The following POLM variants were observed in gnomAD, a reference collection of about 807,000 sequenced individuals.
POLM encodes DNA polymerase mu, also known as DNA-directed DNA/RNA polymerase mu.
POLM carries 52 observed loss-of-function variants against 56.7 expected under a neutral mutation model. The observed-to-expected ratio is 0.92, with a 90% CI of 0.73 to 1.15. The LOEUF (loss-of-function observed/expected upper bound fraction) is 1.15, where lower values mean the gene tolerates loss of function less well. Among genes scored for constraint, POLM ranks in the 50% most tolerant of loss-of-function variants. The pLI, the probability that POLM is intolerant of heterozygous loss-of-function variation, is 0.00. For synonymous variants in POLM, 273 were observed against 274.3 expected (o/e 1.00, Z 0.05); for missense variants, 660 against 663.6 (o/e 0.99, Z 0.06).
At chr7:44,079,165 T>A (rs2096192192) in intron 4 of POLM, among the ~76,000 whole-genome samples, 1 of 152,164 alleles carries the variant, frequency 6.6e-6, no homozygotes, top group African/African-American at 2.4e-5. Context: ...CAATACTACT[T>A]CATTTAAAAG....
Position 44,072,843 on chromosome 7 carries a change from A to C in POLM, c.*448T>G, listed in dbSNP as rs2128799045. 1 of 399,866 alleles carries C rather than the reference A, an allele frequency of 2.5e-6. No individual in the cohort carries two copies. Among genetic ancestry groups the C allele is most frequent in the East Asian group, 3.6e-5 (1 of 27,890 alleles). The allele number at this position is 399,866 out of a possible 1,614,324, so 24.8% of individuals were successfully genotyped here. The stretch of plus-strand genomic sequence containing the variant: ...ACAGCCTCCAGCTCATGGCTCTCAA[A>C]TGCAGTGCAGGTATGCATGGTTCTC... On this transcript the variant is annotated 3_prime_UTR_variant, in exon 11 of 11. Transcript: ENST00000242248.
At position 44,079,864 on chromosome 7, in the gene POLM, G is replaced by A; in HGVS notation, c.468C>T (p.Leu156=). Reference sequence around the variant, plus strand: ...AAGGCTCATAGAAGCGGCTTACGGAGAGGCCAGTGTTGTGGTGTGTGAGGG... The same window carrying A: ...AAGGCTCATAGAAGCGGCTTACGGAAAGGCCAGTGTTGTGGTGTGTGAGGG... ...PTPLTHHNTG[L]SEALEILAEA... is the part of the protein sequence containing the mutation. Residue 156 remains leucine, a synonymous_variant, in exon 3 of 11, where the codon CTC becomes CTT. Transcript: ENST00000242248. 6.2e-7 allele frequency: 1 copy of A among 1,614,090 alleles called. No homozygotes were observed. Among genetic ancestry groups the A allele is most frequent in the South Asian group, 1.1e-5 (1 of 91,074 alleles).
intron 2 of POLM, 44 bp downstream of exon 2, chr7:44,080,689 G>C (rs1159705563): frequency 6.3e-7 from 1 of 1,584,712 alleles, no homozygotes; most frequent in Non-Finnish European, 8.7e-7. Context: ...GCCTACACTG[G>C]GGCTTTCACT....
At position 44,079,938 on chromosome 7, in the gene POLM, G is replaced by A. The variant is rs2096195023; in HGVS notation, c.394C>T (p.Pro132Ser). 1 of 1,613,410 alleles carries A rather than the reference G, an allele frequency of 6.2e-7. No individual in the cohort carries two copies. Among genetic ancestry groups the A allele is most frequent in the African/African-American group, 1.3e-5 (1 of 74,910 alleles). The change falls in exon 3 of 11, where the codon CCT becomes TCT. Residue 132 changes from proline (P) to serine (S), a missense_variant. Pro to Ser is a moderately conservative substitution (Grantham distance 74, BLOSUM62 -1). Transcript: ENST00000242248. ...RLEVAGPRKG[P>S]LSPAWMPAYA... ...GCAGGCATCCATGCTGGGCTCAGAGGCCCCTTCCTTGGCCCAGCCACCTGG... is the reference window on the plus strand; with the variant it reads ...GCAGGCATCCATGCTGGGCTCAGAGACCCCTTCCTTGGCCCAGCCACCTGG...
At position 44,072,931 on chromosome 7, in the gene POLM, G is replaced by A; in HGVS notation, c.*360C>T. 1.8e-6 allele frequency: 1 copy of A among 541,288 alleles called. No homozygotes were observed. Among genetic ancestry groups the A allele is most frequent in the Non-Finnish European group, 3.2e-6 (1 of 315,974 alleles). The allele number at this position is 541,288 out of a possible 1,614,324, so 33.5% of individuals were successfully genotyped here. On this transcript the variant is annotated 3_prime_UTR_variant, in exon 11 of 11. Transcript: ENST00000242248. ...CAGTTAACTGCAGTGCAACTAATGA[G>A]ACACTGCACATCAGGGACCACTTGC...
At chr7:44,081,817 C>A (rs949654130) in intron 1 of POLM, among the ~76,000 whole-genome samples, 8 of 149,592 alleles carry the variant, frequency 5.3e-5, no homozygotes, top group Non-Finnish European at 1.0e-4. Flanking sequence ...GCGATCTCGG[C>A]TCACTGCAAG....
In POLM at chr7:44,073,971, G is replaced by A; in HGVS notation, c.1126C>T (p.Leu376=). 1 of 1,614,218 alleles carries A rather than the reference G, an allele frequency of 6.2e-7. No individual in the cohort carries two copies. Among genetic ancestry groups the A allele is most frequent in the Non-Finnish European group, 8.5e-7 (1 of 1,180,022 alleles). Residue 376 remains leucine, a synonymous_variant, in exon 9 of 11, where the codon CTG becomes TTG. Coordinates refer to ENST00000242248, the MANE Select transcript of POLM (RefSeq NM_013284.4). ...QHSCCESPTR[L]AQQSHMDAFE... ...GCGTCCATGTGGCTCTGTTGGGCCA[G>A]GCGGGTAGGGGACTCACAGCAGCTG... is the stretch of plus-strand genomic sequence containing the variant.
In POLM at chr7:44,079,875, TGTG is replaced by T; in HGVS notation, c.454_456del (p.His152del). ...AAGCGGCTTACGGAGAGGCCAGTGTTGTGGTGTGTGAGGGGCGTAGGGCGCTGG... is the reference window on the plus strand; with the variant it reads ...AAGCGGCTTACGGAGAGGCCAGTGTTGTGTGTGAGGGGCGTAGGGCGCTGG... On this transcript the variant is annotated inframe_deletion, in exon 3 of 11. Coordinates refer to ENST00000242248, the MANE Select transcript of POLM (RefSeq NM_013284.4). 1 of 1,614,042 alleles carries T rather than the reference TGTG, an allele frequency of 6.2e-7. No homozygotes were observed. The highest frequency in any genetic ancestry group is 8.5e-7 in the Non-Finnish European group (1 of 1,179,936).
At chr7:44,077,771 G>A (rs2096187725) in intron 5 of POLM, among the ~76,000 whole-genome samples, 1 of 151,950 alleles carries the variant, frequency 6.6e-6, no homozygotes, top group African/African-American at 2.4e-5. Flanking sequence ...TCTCCTCTTC[G>A]AAGCCCTCCC....
In POLM at chr7:44,073,890, C is replaced by G; in HGVS notation, c.1207G>C (p.Gly403Arg). Residue 403 changes from glycine (G) to arginine (R), a missense_variant, in exon 9 of 11, where the codon GGG (glycine) becomes CGG (arginine). Physicochemically the swap from Gly to Arg is moderately radical, Grantham distance 125. Coordinates refer to ENST00000242248, the MANE Select transcript of POLM (RefSeq NM_013284.4). ...GATGGGCAGGGCCTCGTGGATCCCC[C>G]CACAGCAGCCCCTGGAGGTTGTGGT... is the stretch of plus-strand genomic sequence containing the variant. Reference protein sequence around the residue: ...RLPQPPGAAVGGSTRPCPSWK... With the variant: ...RLPQPPGAAVRGSTRPCPSWK... 6.2e-7 allele frequency: 1 copy of G among 1,614,240 alleles called. No homozygotes were observed. Among genetic ancestry groups the G allele is most frequent in the Non-Finnish European group, 8.5e-7 (1 of 1,180,042 alleles).
At chr7:44,079,540 C>CCCAAA in intron 4 of POLM, 31 bp downstream of exon 4, 5 of 1,504,292 alleles carry the variant, frequency 3.3e-6, no homozygotes, top group Non-Finnish European at 3.7e-6. Flanking sequence ...CCCACCCACC[C>CCCAAA]ACTCACCCTG....
chr7:44,073,687 G>T lies in POLM; in HGVS notation c.1336C>A (p.Arg446Ser), dbSNP rs550516150. The T allele has an allele frequency of 3.8e-5, 62 of 1,614,174 alleles. 1 individual carries two copies. In the South Asian group the frequency reaches 6.1e-4, roughly 16 times the overall value. ...GSKLFQRELR[R>S]FSRKEKGLWL... ...AGGCCCTTCTCCTTCCGGCTGAAGC[G>T]GCGCAGCTCCCGCTGGAAAAGCTGT... is the stretch of plus-strand genomic sequence containing the variant. The change falls in exon 10 of 11, where the codon CGC (arginine) becomes AGC (serine). Residue 446 changes from arginine (R) to serine (S), a missense_variant. Transcript: ENST00000242248.
chr7:44,080,970 G>A, intron 1 of POLM, 54 bp from the exon 2 acceptor site: 3 of 1,468,280 alleles, frequency 2.0e-6, no homozygotes, highest in Non-Finnish European at 2.8e-6. Context: ...AGCCCGTCCT[G>A]GTTGGCTCCA....
Position 44,072,526 on chromosome 7 carries a change from A to G in POLM, c.*765T>C, listed in dbSNP as rs2096171376. 6.6e-6 allele frequency: 1 copy of G among 152,370 alleles called. No individual in the cohort carries two copies. Among genetic ancestry groups the G allele is most frequent in the African/African-American group, 2.4e-5 (1 of 41,452 alleles). 9.4% of individuals were successfully genotyped at this position (152,370 alleles called of 1,614,324 possible). The stretch of plus-strand genomic sequence containing the variant: ...CATCAAATAGGAAGCCGGTGAGTCA[A>G]GCAGCTCGGGGCCAGTGGGGCTGGA... On this transcript the variant is annotated 3_prime_UTR_variant, in exon 11 of 11. Transcript: ENST00000242248.
chr7:44,081,846 T>C (rs1202539790), intron 1 of POLM, among the ~76,000 whole-genome samples: 2 of 150,680 alleles, frequency 1.3e-5, no homozygotes, highest in Middle Eastern at 3.4e-3. Context: ...CCCAGGTTCA[T>C]GCCATTCTCC....
chr7:44,072,067 T>G lies in POLM; in HGVS notation c.*1224A>C, dbSNP rs980419057. ...CTGTGGGGAGAGGCCAGTCCAAAGG[T>G]TAAATATAGTTTGGTTCTATTTACA... On this transcript the variant is annotated 3_prime_UTR_variant, in exon 11 of 11. Transcript: ENST00000242248. Among the ~76,000 whole-genome samples, 2 of 152,028 alleles carry G rather than the reference T, an allele frequency of 1.3e-5. No homozygotes were observed. The highest frequency in any genetic ancestry group is 4.8e-5 in the African/African-American group (2 of 41,384).
intron 5 of POLM, chr7:44,076,870 C>T (rs1190913517): frequency 8.2e-6 from 4 of 490,718 alleles, no homozygotes; most frequent in Non-Finnish European, 1.5e-5. Flanking sequence ...GGGACTTACA[C>T]AGCTCTAGCC....
chr7:44,081,744 CTTTTTT>C (rs1183469734), intron 1 of POLM, among the ~76,000 whole-genome samples: 1 of 125,408 alleles, frequency 8.0e-6, no homozygotes. Context: ...GCAAATACGA[CTTTTTT>C]TTTTTTTTTT....
chr7:44,079,900 C>CA lies in POLM; in HGVS notation c.431_432insT (p.Gln144HisfsTer27). ...TGTGGTGTGTGAGGGGCGTAGGGCG[C>CA]TGGCAGGCATAGGCAGGCATCCATG... On this transcript the variant is annotated frameshift_variant, in exon 3 of 11. Transcript: ENST00000242248. LOFTEE classifies it high-confidence loss of function. The CA allele has an allele frequency of 6.2e-7, 1 of 1,614,148 alleles. No homozygotes were observed. Among genetic ancestry groups the CA allele is most frequent in the South Asian group, 1.1e-5 (1 of 91,086 alleles).
Sources: gnomAD v4.1 joint callset for allele counts (sites outside exome capture counted in the v4.1 genomes callset) on GRCh38, gnomAD v4.1.1 for gene constraint, MANE v1.5 for transcripts, NCBI Gene and HGNC (gene_info 2026-07-23, HGNC 2026-07-21) for gene names.